Variants in PCDHA8 observed in about 807,000 individuals in gnomAD.
PCDHA8 encodes the protein protocadherin alpha-8.
PCDHA8 carries 53 observed loss-of-function variants against 61.8 expected under a neutral mutation model. The observed-to-expected ratio is 0.86, with a 90% confidence interval of 0.69 to 1.08. The LOEUF (loss-of-function observed/expected upper bound fraction) is 1.08, where lower values mean the gene tolerates loss of function less well. Ranked by LOEUF, PCDHA8 falls within the 50% of genes least tolerant of loss-of-function variation. The probability of loss-of-function intolerance (pLI) is 0.00; values close to 1 mark genes in which losing one functional copy is unlikely to be tolerated. For missense variants in PCDHA8, 1,293 were observed against 1,245.0 expected (o/e 1.04, Z -0.58); for synonymous variants, 618 against 556.6 (o/e 1.11, Z -1.55).
chr5:140,916,871 T>C (rs1321229691), intron 1 of PCDHA8, among the ~76,000 whole-genome samples: 1 of 152,162 alleles, frequency 6.6e-6, no homozygotes, highest in African/African-American at 2.4e-5. Context: ...ACCTAGGAAT[T>C]GCAATCCTTG....
At chr5:140,966,528 G>T (rs567098369) in intron 1 of PCDHA8, 235 of 446,634 alleles carry the variant, frequency 5.3e-4, no homozygotes, top group Non-Finnish European at 7.8e-4. Context: ...AGCCGAGCCG[G>T]GTTGAGCGAC....
chr5:140,875,381 A>G, intron 1 of PCDHA8: 7 of 1,461,296 alleles, frequency 4.8e-6, no homozygotes, highest in Non-Finnish European at 6.3e-6. Flanking sequence ...CTAAATATGT[A>G]CTTACAGAAA....
chr5:140,878,001 T>C (rs2057434893), intron 1 of PCDHA8: 6 of 1,018,808 alleles, frequency 5.9e-6, no homozygotes, highest in South Asian at 4.4e-5. Flanking sequence ...TATGTATTTG[T>C]CTAACATTAA....
intron 1 of PCDHA8, among the ~76,000 whole-genome samples, chr5:140,910,040 G>C (rs552041915): frequency 1.3e-5 from 2 of 152,276 alleles, no homozygotes; most frequent in South Asian, 4.2e-4. Context: ...AATCCCACTT[G>C]GTCATAATAA....
intron 1 of PCDHA8, among the ~76,000 whole-genome samples, chr5:140,953,105 G>A (rs191289853): frequency 5.3e-5 from 8 of 152,214 alleles, no homozygotes; most frequent in Non-Finnish European, 1.2e-4. Flanking sequence ...ATGAGATTTG[G>A]GCAGGGACAC....
intron 1 of PCDHA8, among the ~76,000 whole-genome samples, chr5:140,910,536 C>G (rs1554194300): frequency 1.3e-5 from 2 of 152,168 alleles, no homozygotes; most frequent in African/African-American, 4.8e-5. Flanking sequence ...CCTCACAAAT[C>G]TATTTTGCAA....
intron 1 of PCDHA8, chr5:140,884,015 C>T: frequency 6.2e-7 from 1 of 1,613,158 alleles, no homozygotes. Flanking sequence ...GCTGATGCCG[C>T]GGTCGGTGGG....
At chr5:140,868,071 TTTTA>T (rs2050265335) in intron 1 of PCDHA8, 1 of 152,116 alleles carries the variant, frequency 6.6e-6, no homozygotes. Flanking sequence ...TTCAGGGTGA[TTTTA>T]TTTATTTTAT....
intron 1 of PCDHA8, chr5:140,869,076 C>T (rs367613564): frequency 1.9e-6 from 3 of 1,577,816 alleles, no homozygotes; most frequent in African/African-American, 2.7e-5. Context: ...TGTAAAGAAG[C>T]TTATTTTGGA....
At chr5:140,884,137 C>T (rs782067447) in intron 1 of PCDHA8, 4 of 1,613,402 alleles carry the variant, frequency 2.5e-6, no homozygotes, top group Middle Eastern at 1.7e-4. Context: ...TCCCGTTCCG[C>T]GTGGGGCTGT....
chr5:140,973,586 C>A (rs1207651483), intron 1 of PCDHA8, among the ~76,000 whole-genome samples: 1 of 152,176 alleles, frequency 6.6e-6, no homozygotes, highest in Non-Finnish European at 1.5e-5. Flanking sequence ...GACTGCTGAG[C>A]CAGATGGAAT....
chr5:140,866,180 T>C (rs2049194377), intron 1 of PCDHA8: 1 of 152,136 alleles, frequency 6.6e-6, no homozygotes, highest in African/African-American at 2.4e-5. Context: ...GTAAGAAAAG[T>C]CAGAAAACTG....
chr5:140,964,338 G>T (rs2153739261), intron 1 of PCDHA8, among the ~76,000 whole-genome samples: 1 of 152,320 alleles, frequency 6.6e-6, no homozygotes, highest in South Asian at 2.1e-4. Flanking sequence ...AACCTGGCAG[G>T]TGTCCTTGCT....
At chr5:140,963,611 A>C (rs955529183) in intron 1 of PCDHA8, among the ~76,000 whole-genome samples, 1 of 152,208 alleles carries the variant, frequency 6.6e-6, no homozygotes, top group Admixed American at 6.5e-5. Context: ...TAATTGGGAA[A>C]GCTTAACTTT....
At chr5:141,008,299 C>T (rs1223779122) in intron 3 of PCDHA8, among the ~76,000 whole-genome samples, 2 of 152,120 alleles carry the variant, frequency 1.3e-5, no homozygotes, top group Non-Finnish European at 2.9e-5. Flanking sequence ...TGTACCCAAC[C>T]CTAAACTGTA....
At chr5:140,893,137 C>T (rs2153441262) in intron 1 of PCDHA8, among the ~76,000 whole-genome samples, 1 of 152,298 alleles carries the variant, frequency 6.6e-6, no homozygotes, top group South Asian at 2.1e-4. Context: ...TTTCTTTATC[C>T]ACTCATCTGT....
intron 1 of PCDHA8, among the ~76,000 whole-genome samples, chr5:140,965,427 G>A (rs1336088571): frequency 6.6e-6 from 1 of 152,104 alleles, no homozygotes; most frequent in Non-Finnish European, 1.5e-5. Flanking sequence ...AAGATAAGCT[G>A]CAGTCATTGA....
At chr5:140,968,660 C>T in intron 1 of PCDHA8, 1 of 1,614,166 alleles carries the variant, frequency 6.2e-7, no homozygotes, top group Non-Finnish European at 8.5e-7. Flanking sequence ...TGACCTGGAC[C>T]TCTTTAAGGT....
chr5:140,920,853 A>G (rs375783359), intron 1 of PCDHA8, among the ~76,000 whole-genome samples: 2 of 152,062 alleles, frequency 1.3e-5, no homozygotes, highest in Non-Finnish European at 2.9e-5. Context: ...AAAAAAAAAA[A>G]AAAAACAAAC....
Sources: allele counts gnomAD v4.1 joint callset (sites outside exome capture counted in the v4.1 genomes callset), GRCh38; gene constraint gnomAD v4.1.1; transcripts MANE v1.5; gene names NCBI Gene and HGNC (gene_info 2026-07-23, HGNC 2026-07-21).